Variants in RHD observed in about 807,000 individuals in gnomAD.
The protein encoded by RHD is Rh blood group D antigen, also known as blood group Rh(D) polypeptide.
A neutral mutation model predicts 45.5 loss-of-function variants in RHD; 16 were observed. That is an observed-to-expected ratio of 0.35 (90% CI 0.24 to 0.53). RHD has a LOEUF of 0.53. Ranked by LOEUF, RHD falls within the 20% of genes least tolerant of loss-of-function variation. The pLI, the probability that RHD is intolerant of heterozygous loss-of-function variation, is 0.92. For synonymous variants in RHD, 131 were observed against 217.5 expected, an observed-to-expected ratio of 0.60 and a Z score of 3.50; for missense variants, 306 against 532.0, an observed-to-expected ratio of 0.58 and a Z score of 4.18.
intron 7 of RHD, among the ~76,000 whole-genome samples, chr1:25,311,703 C>T (rs1644158002): frequency 7.7e-6 from 1 of 129,148 alleles, no homozygotes; most frequent in East Asian, 2.0e-4. Flanking sequence ...AGCTGCTGCC[C>T]AGGGCTGCCT....
intron 2 of RHD, among the ~76,000 whole-genome samples, chr1:25,289,203 T>G (rs112590107): frequency 0.02 from 2,587 of 132,084 alleles, 401 homozygotes; most frequent in African/African-American, 0.06. Flanking sequence ...TGAATTTTTT[T>G]TGTGTGTGTG....
At chr1:25,290,449 C>T (rs532644988) in intron 2 of RHD, among the ~76,000 whole-genome samples, 192 bp from the exon 3 acceptor site, 2 of 127,940 alleles carry the variant, frequency 1.6e-5, no homozygotes, top group Admixed American at 7.7e-5. Context: ...GCCACCTTAA[C>T]GGGAGAAGAG....
At chr1:25,321,047 A>T (rs1207332242) in intron 8 of RHD, among the ~76,000 whole-genome samples, 1 of 131,156 alleles carries the variant, frequency 7.6e-6, no homozygotes, top group Non-Finnish European at 1.8e-5. Context: ...CTGTCCCAAA[A>T]ATAAAAAATA....
chr1:25,277,209 C>A (rs1641090296), intron 1 of RHD, among the ~76,000 whole-genome samples: 1 of 132,612 alleles, frequency 7.5e-6, no homozygotes, highest in Non-Finnish European at 1.8e-5. Flanking sequence ...AGACTCAAGG[C>A]TGTATGACAT....
intron 1 of RHD, 51 bp downstream of exon 1, chr1:25,272,746 G>T (rs1207259264): frequency 7.3e-7 from 1 of 1,374,108 alleles, no homozygotes; most frequent in Non-Finnish European, 1.0e-6. Flanking sequence ...AGGGGCAGGG[G>T]CGGGGGAGGC....
rs377084107 is a variant in RHD, at chr1:25,278,640, T to A, written c.149-5933T>A. On this transcript the variant is annotated intron_variant, in intron 1 of 9. Coordinates refer to ENST00000328664, the MANE Select transcript of RHD (RefSeq NM_016124.6). Reference sequence around the variant, plus strand: ...TACCAGGCAGAGCTTCCCTAAGGCTTCCAAACTAGGAGACTATCCTGGGTC... The same window carrying A: ...TACCAGGCAGAGCTTCCCTAAGGCTACCAAACTAGGAGACTATCCTGGGTC... Among the ~76,000 whole-genome samples the A allele has an allele frequency of 4.7e-4, 62 of 131,354 alleles. 6 individuals are homozygous for A. The highest frequency in any genetic ancestry group is 1.2e-3 in the African/African-American group (47 of 38,648). 86.2% of individuals were successfully genotyped at this position (131,354 alleles called of 152,430 possible).
At chr1:25,320,287 C>A (rs1276249731) in intron 8 of RHD, among the ~76,000 whole-genome samples, 4 of 132,028 alleles carry the variant, frequency 3.0e-5, no homozygotes, top group East Asian at 3.9e-4. Flanking sequence ...CACACCTTTT[C>A]CACGTTATAT....
At chr1:25,289,986 G>A (rs1051422848) in intron 2 of RHD, among the ~76,000 whole-genome samples, 1 of 129,042 alleles carries the variant, frequency 7.7e-6, no homozygotes, top group Non-Finnish European at 1.8e-5. Context: ...TAGACACACC[G>A]ATAGGAAGAA....
At chr1:25,299,096 A>AT (rs1225704025) in intron 3 of RHD, among the ~76,000 whole-genome samples, 6 of 126,942 alleles carry the variant, frequency 4.7e-5, no homozygotes, top group African/African-American at 1.6e-4. Context: ...AAAAAAAAAA[A>AT]ACAGGCTGGG....
At chr1:25,276,952 A>G (rs1571575558) in intron 1 of RHD, among the ~76,000 whole-genome samples, 1 of 131,182 alleles carries the variant, frequency 7.6e-6, no homozygotes, top group Non-Finnish European at 1.8e-5. Context: ...CTGTAGTCCC[A>G]GCTACTTGGG....
chr1:25,296,278 CATCA>C lies in RHD; in HGVS notation c.487-4663_487-4660del, dbSNP rs1239071893. Among the ~76,000 whole-genome samples the C allele has an allele frequency of 3.9e-3, 501 of 128,404 alleles. 46 individuals carry two copies. The highest frequency in any genetic ancestry group is 0.012 in the African/African-American group (445 of 37,502). The allele number at this position is 128,404 out of a possible 152,430, so 84.2% of individuals were successfully genotyped here. Reference sequence around the variant, plus strand: ...TTTTCTTTGAGACAGAGTCTTGCTCCATCAATCACCCAGGCTGGAGTGCGGTGGT... The same window carrying C: ...TTTTCTTTGAGACAGAGTCTTGCTCCATCACCCAGGCTGGAGTGCGGTGGT... On this transcript the variant is annotated intron_variant, in intron 3 of 9. Transcript: ENST00000328664.
At chr1:25,307,947 C>T in intron 7 of RHD, 1 of 764,220 alleles carries the variant, frequency 1.3e-6, no homozygotes. Flanking sequence ...TTTCCTGTCT[C>T]TGGGCCTGAG....
At position 25,312,757 on chromosome 1, in the gene RHD, A is replaced by G. The variant is rs1571718902; in HGVS notation, c.1074-4243A>G. Among the ~76,000 whole-genome samples, 2 of 117,222 alleles carry G rather than the reference A, an allele frequency of 1.7e-5. 1 individual carries two copies. Among genetic ancestry groups the G allele is most frequent in the South Asian group, 5.4e-4 (2 of 3,702 alleles). The allele number at this position is 117,222 out of a possible 152,430, so 76.9% of individuals were successfully genotyped here. ...AGAGTGAGACTCTGTCTCTACAAATAAAATTAAATAAACTTAGCTGGATAT... is the reference window on the plus strand; with the variant it reads ...AGAGTGAGACTCTGTCTCTACAAATGAAATTAAATAAACTTAGCTGGATAT... On this transcript the variant is annotated intron_variant, in intron 7 of 9. Coordinates refer to ENST00000328664, the MANE Select transcript of RHD (RefSeq NM_016124.6).
intron 2 of RHD, among the ~76,000 whole-genome samples, chr1:25,289,078 C>T (rs1456314315): frequency 7.5e-6 from 1 of 132,504 alleles, no homozygotes; most frequent in Non-Finnish European, 1.8e-5. Flanking sequence ...TGGATTTGAA[C>T]CTCACATTTG....
chr1:25,293,079 T>A (rs1642649325), intron 3 of RHD, among the ~76,000 whole-genome samples: 1 of 130,932 alleles, frequency 7.6e-6, no homozygotes, highest in African/African-American at 2.7e-5. Flanking sequence ...TGCATGGTTG[T>A]AGAGGAGGAT....
intron 1 of RHD, among the ~76,000 whole-genome samples, chr1:25,275,965 G>C (rs1640925408): frequency 7.5e-6 from 1 of 132,472 alleles, no homozygotes; most frequent in Admixed American, 7.4e-5. Flanking sequence ...AGTTGGTTAA[G>C]CCATTACTTC....
At chr1:25,307,774 G>A (rs1238008975) in intron 7 of RHD, 1 of 1,302,960 alleles carries the variant, frequency 7.7e-7, no homozygotes, top group South Asian at 1.3e-5. Context: ...GCCTTCTACA[G>A]AGACAACCAT....
intron 1 of RHD, among the ~76,000 whole-genome samples, chr1:25,283,690 A>G (rs2124618227): frequency 7.5e-6 from 1 of 134,180 alleles, no homozygotes; most frequent in South Asian, 2.2e-4. Context: ...TGATTAAAAC[A>G]GCGTAGGCAC....
At chr1:25,280,436 G>C (rs1336985006) in intron 1 of RHD, among the ~76,000 whole-genome samples, 1 of 127,752 alleles carries the variant, frequency 7.8e-6, no homozygotes, top group Non-Finnish European at 1.8e-5. Context: ...CTCCTGAGTA[G>C]CTGGGATTAC....
Sources: gnomAD v4.1 joint callset for allele counts (sites outside exome capture counted in the v4.1 genomes callset) on GRCh38, gnomAD v4.1.1 for gene constraint, MANE v1.5 for transcripts, NCBI Gene and HGNC (gene_info 2026-07-23, HGNC 2026-07-21) for gene names.